Variants in PLEKHM3 observed in about 807,000 individuals in gnomAD.
PLEKHM3 encodes the protein pleckstrin homology domain-containing family M member 3.
A neutral mutation model predicts 81.8 loss-of-function variants in PLEKHM3; 45 were observed. The observed-to-expected ratio is 0.55, with a 90% CI of 0.43 to 0.71. The LOEUF is 0.71. Ranked by LOEUF, PLEKHM3 falls within the 30% of genes least tolerant of loss-of-function variation. The pLI, the probability that PLEKHM3 is intolerant of heterozygous loss-of-function variation, is 0.00. For missense variants in PLEKHM3, 788 were observed against 924.3 expected, an observed-to-expected ratio of 0.85 and a Z score of 1.91; for synonymous variants, 352 against 356.4, an observed-to-expected ratio of 0.99 and a Z score of 0.14.
intron 7 of PLEKHM3, among the ~76,000 whole-genome samples, chr2:207,831,577 T>C (rs1404454625): frequency 6.6e-6 from 1 of 152,212 alleles, no homozygotes; most frequent in East Asian, 1.9e-4. Flanking sequence ...ATTCACTGGG[T>C]TGCTGTGAGA....
At chr2:207,836,759 GT>G (rs150788596) in intron 7 of PLEKHM3, among the ~76,000 whole-genome samples, 2 of 152,334 alleles carry the variant, frequency 1.3e-5, no homozygotes, top group African/African-American at 4.8e-5. Flanking sequence ...CTTCTGCTGT[GT>G]TCATGTTGGG....
At chr2:207,863,914 A>T (rs13397500) in intron 6 of PLEKHM3, among the ~76,000 whole-genome samples, 44,400 of 150,162 alleles carry the variant, frequency 0.3, 6,862 homozygotes, top group Middle Eastern at 0.36. Context: ...AAGCAAAAAA[A>T]ATATATATAT....
At chr2:207,926,509 C>T (rs939814160) in intron 5 of PLEKHM3, among the ~76,000 whole-genome samples, 16 of 152,288 alleles carry the variant, frequency 1.1e-4, no homozygotes, top group Admixed American at 8.5e-4. Flanking sequence ...GCTGCTGATC[C>T]GGATGTGTCC....
In PLEKHM3 at chr2:207,827,430, A is replaced by G. The variant is rs1228322304; in HGVS notation, c.*889T>C. 6.6e-6 allele frequency: 1 copy of G among 152,070 alleles called. No homozygotes were observed. The highest frequency in any genetic ancestry group is 2.4e-5 in the African/African-American group (1 of 41,352). The allele number at this position is 152,070 out of a possible 1,614,324, so 9.4% of individuals were successfully genotyped here. A position where few individuals can be genotyped will look rare whatever the true frequency, so the allele number is the denominator to read the frequency against. ...ATGTCTTTAACAACCACCCCAGGAC[A>G]TTTCCTCCGGCCAGCATCATGAAAA... On this transcript the variant is annotated 3_prime_UTR_variant, in exon 8 of 8. Transcript: ENST00000427836.
At chr2:207,930,204 G>A (rs1689542264) in intron 5 of PLEKHM3, among the ~76,000 whole-genome samples, 1 of 152,162 alleles carries the variant, frequency 6.6e-6, no homozygotes, top group African/African-American at 2.4e-5. Context: ...AAGATGAAAA[G>A]GCAGAATCCT....
intron 7 of PLEKHM3, among the ~76,000 whole-genome samples, chr2:207,841,057 G>A (rs565593825): frequency 6.9e-4 from 105 of 151,928 alleles, no homozygotes; most frequent in African/African-American, 2.5e-3. Flanking sequence ...GACCTCAAGT[G>A]ATCCACCTGC....
At chr2:208,007,559 AC>A (rs1407739660) in intron 1 of PLEKHM3, among the ~76,000 whole-genome samples, 1 of 152,232 alleles carries the variant, frequency 6.6e-6, no homozygotes, top group African/African-American at 2.4e-5. Context: ...TTAAATTGCT[AC>A]ATTTTATCTA....
chr2:207,825,323 A>G lies in PLEKHM3; in HGVS notation c.*2996T>C, dbSNP rs1385833401. The G allele has an allele frequency of 6.6e-6, 1 of 152,190 alleles. No homozygotes were observed. Among genetic ancestry groups the G allele is most frequent in the African/African-American group, 2.4e-5 (1 of 41,454 alleles). The allele number at this position is 152,190 out of a possible 1,614,324, so 9.4% of individuals were successfully genotyped here. A position where few individuals can be genotyped will look rare whatever the true frequency, so the allele number is the denominator to read the frequency against. ...TCCTCAAGTGATACACTAGGGAATG[A>G]GCCTTTCAGCAAAAAGCGGTTCCCC... On this transcript the variant is annotated 3_prime_UTR_variant, in exon 8 of 8. Transcript: ENST00000427836.
chr2:207,924,265 G>T (rs116134662), intron 5 of PLEKHM3, among the ~76,000 whole-genome samples: 2 of 152,060 alleles, frequency 1.3e-5, no homozygotes, highest in African/African-American at 4.8e-5. Flanking sequence ...TGTCCAGTAC[G>T]CAGCTGGACA....
chr2:207,955,656 T>C (rs1427255395), intron 3 of PLEKHM3, among the ~76,000 whole-genome samples: 1 of 152,256 alleles, frequency 6.6e-6, no homozygotes. Flanking sequence ...TTCTGTCCAC[T>C]GTTGTACAGC....
At chr2:207,930,774 G>T in intron 5 of PLEKHM3, 152 bp downstream of exon 5, 2 of 807,980 alleles carry the variant, frequency 2.5e-6, no homozygotes, top group Non-Finnish European at 3.9e-6. Context: ...AAAAAGATGA[G>T]CCCAGAGAGA....
chr2:207,837,633 T>C (rs1377008526), intron 7 of PLEKHM3, among the ~76,000 whole-genome samples: 2 of 18,886 alleles, frequency 1.1e-4, no homozygotes, highest in African/African-American at 6.7e-4. Context: ...TAGTTCTCCC[T>C]TTTTTTTTTT....
At chr2:207,998,561 G>T (rs930746) in intron 2 of PLEKHM3, among the ~76,000 whole-genome samples, 98,414 of 152,024 alleles carry the variant, frequency 0.65, 32,868 homozygotes, top group Non-Finnish European at 0.73. Flanking sequence ...ATATATTATA[G>T]CGATACTTGC....
At chr2:207,955,498 C>T (rs1690472908) in intron 3 of PLEKHM3, among the ~76,000 whole-genome samples, 1 of 152,208 alleles carries the variant, frequency 6.6e-6, no homozygotes, top group South Asian at 2.1e-4. Flanking sequence ...AAGCCAGGCA[C>T]TGTCATAACT....
intron 1 of PLEKHM3, among the ~76,000 whole-genome samples, chr2:208,006,190 G>C (rs1179613616): frequency 2.0e-5 from 3 of 152,030 alleles, no homozygotes; most frequent in Non-Finnish European, 2.9e-5. Flanking sequence ...TTTTTCCTGA[G>C]CTCTATAGCC....
chr2:207,910,335 C>T (rs1574397213), intron 5 of PLEKHM3, among the ~76,000 whole-genome samples: 1 of 152,190 alleles, frequency 6.6e-6, no homozygotes, highest in East Asian at 1.9e-4. Flanking sequence ...ATGTAATCAA[C>T]CTCCATTTTC....
At chr2:207,832,411 G>A (rs2092293482) in intron 7 of PLEKHM3, among the ~76,000 whole-genome samples, 1 of 152,196 alleles carries the variant, frequency 6.6e-6, no homozygotes, top group African/African-American at 2.4e-5. Flanking sequence ...TAATAAAAAT[G>A]TAAAGTTCAG....
intron 3 of PLEKHM3, among the ~76,000 whole-genome samples, chr2:207,953,431 A>G (rs1690401297): frequency 1.3e-5 from 2 of 152,170 alleles, no homozygotes; most frequent in African/African-American, 4.8e-5. Flanking sequence ...TTCATCTACA[A>G]ATTTTATAGC....
At chr2:207,900,434 CT>C (rs1401450954) in intron 6 of PLEKHM3, 1 of 152,226 alleles carries the variant, frequency 6.6e-6, no homozygotes, top group Non-Finnish European at 1.5e-5. Flanking sequence ...AGTCACAGAC[CT>C]GCCCAAATTC....
Sources: gnomAD v4.1 joint callset for allele counts (sites outside exome capture counted in the v4.1 genomes callset) on GRCh38, gnomAD v4.1.1 for gene constraint, MANE v1.5 for transcripts, NCBI Gene and HGNC (gene_info 2026-07-23, HGNC 2026-07-21) for gene names.